Variants in GC observed in about 807,000 individuals in gnomAD.
GC encodes the protein GC vitamin D binding protein.
GC carries 43 observed loss-of-function variants against 56.7 expected under a neutral mutation model. The ratio of observed to expected loss-of-function variants is 0.76; its 90% CI spans 0.59 to 0.98. GC has a LOEUF of 0.98. GC is among the 50% of genes least tolerant of loss of function. The pLI is 0.00. For synonymous variants in GC, 216 were observed against 202.7 expected (o/e 1.07, Z -0.56); for missense variants, 529 against 545.9 (o/e 0.97, Z 0.31).
At chr4:71,803,978 C>A in exon 1 of GC, 1 of 1,407,144 alleles carries the variant, frequency 7.1e-7, no homozygotes, top group East Asian at 2.5e-5. Context: ...CAGATCATCA[C>A]CAGTGGTAGA....
chr4:71,780,325 C>G (rs1742633237), intron 1 of GC, among the ~76,000 whole-genome samples: 1 of 152,198 alleles, frequency 6.6e-6, no homozygotes, highest in Non-Finnish European at 1.5e-5. Flanking sequence ...TAGGTGTGGA[C>G]AAGGACTTCA....
chr4:71,805,383 C>T (rs1045809129), upstream of GC, among the ~76,000 whole-genome samples: 2 of 152,102 alleles, frequency 1.3e-5, no homozygotes, highest in Non-Finnish European at 2.9e-5. Context: ...TGCTGAGTTC[C>T]TCATAGGGGA....
intron 11 of GC, 142 bp downstream of exon 11, chr4:71,752,376 G>T: frequency 1.6e-6 from 1 of 635,106 alleles, no homozygotes; most frequent in Non-Finnish European, 2.7e-6. Context: ...TACTTTCATT[G>T]CAAAGACAGC....
intron 11 of GC, among the ~76,000 whole-genome samples, chr4:71,749,009 A>C (rs1360721011): frequency 6.6e-6 from 1 of 152,172 alleles, no homozygotes; most frequent in African/African-American, 2.4e-5. Flanking sequence ...TAGGCATTGG[A>C]AATTAAAGAG....
intron 6 of GC, among the ~76,000 whole-genome samples, chr4:71,758,982 G>A (rs950070745): frequency 2.0e-5 from 3 of 152,048 alleles, no homozygotes; most frequent in Admixed American, 6.6e-5. Context: ...TCTATTTTCT[G>A]TCTTTATGAT....
chr4:71,791,252 T>C (rs1305811494), intron 1 of GC, among the ~76,000 whole-genome samples: 1 of 152,132 alleles, frequency 6.6e-6, no homozygotes, highest in African/African-American at 2.4e-5. Flanking sequence ...AAACTTTTCT[T>C]TCAAAGCTAT....
At chr4:71,791,518 A>G (rs978369966) in intron 1 of GC, among the ~76,000 whole-genome samples, 4 of 152,204 alleles carry the variant, frequency 2.6e-5, no homozygotes. Context: ...AGTTGGAAAG[A>G]ACGTAAACCT....
In GC at chr4:71,790,672, G is replaced by T. The variant is rs74469947; in HGVS notation, c.22-6618C>A. On this transcript the variant is annotated intron_variant, in intron 1 of 13. Transcript: ENST00000504199. ...CTATTAATTTTGTTAAATTGTAATGGTTTCTCTAGGGCTAATAATATTTTA... is the reference window on the plus strand; with the variant it reads ...CTATTAATTTTGTTAAATTGTAATGTTTTCTCTAGGGCTAATAATATTTTA... 0.014 allele frequency among the ~76,000 whole-genome samples: 2,057 copies of T among 151,242 alleles called. 81 individuals are homozygous for T. The East Asian group carries it at 0.16, about 12-fold the overall frequency.
intron 4 of GC, 143 bp from the exon 5 acceptor site, chr4:71,764,079 T>C: frequency 3.2e-6 from 2 of 621,010 alleles, no homozygotes; most frequent in Middle Eastern, 8.8e-4. Flanking sequence ...CCTCCTGGCC[T>C]CAAGCGATCC....
At chr4:71,804,031 G>GA (rs1413091051) in exon 1 of GC, 4 of 850,364 alleles carry the variant, frequency 4.7e-6, no homozygotes, top group East Asian at 5.3e-5. Flanking sequence ...CAATCTCTTT[G>GA]AAAAAACAGT....
At chr4:71,763,715 A>G (rs1560698450) in intron 5 of GC, 89 bp downstream of exon 5, 3 of 1,191,142 alleles carry the variant, frequency 2.5e-6, no homozygotes, top group Admixed American at 4.5e-5. Flanking sequence ...ACTTTTACTG[A>G]TTGCAAAATC....
chr4:71,756,650 C>T, intron 8 of GC, 62 bp downstream of exon 8: 2 of 1,118,812 alleles, frequency 1.8e-6, no homozygotes, highest in South Asian at 1.3e-5. Flanking sequence ...ATCTGGCTGG[C>T]CCCCACTTTT....
At chr4:71,761,475 T>C (rs1741972172) in intron 6 of GC, among the ~76,000 whole-genome samples, 1 of 152,144 alleles carries the variant, frequency 6.6e-6, no homozygotes, top group South Asian at 2.1e-4. Context: ...GAAAAGCCCT[T>C]TTTCTGAGGA....
Position 71,763,904 on chromosome 4 carries a change from T to C in GC, c.506A>G (p.Gln169Arg), listed in dbSNP as rs543097543. ...ACTGACTAAAAGTGACAGAGGAGCT[T>C]GTCCGTAATTAGTGGAATATTCCCA... is the stretch of plus-strand genomic sequence containing the variant. ...FMWEYSTNYG[Q>R]APLSLLVSYT... Residue 169 changes from glutamine to arginine, a missense_variant, in exon 5 of 13, where the codon CAA (glutamine) becomes CGA (arginine). Transcript: ENST00000273951. The C allele has an allele frequency of 3.1e-6, 5 of 1,611,348 alleles. No individual in the cohort carries two copies. The East Asian group carries it at 1.1e-4, about 36-fold the overall frequency.
chr4:71,766,555 C>G (rs1022245926), intron 3 of GC, among the ~76,000 whole-genome samples: 4 of 152,102 alleles, frequency 2.6e-5, no homozygotes, highest in African/African-American at 9.7e-5. Flanking sequence ...ATATGGGAAA[C>G]AGTACTTTGA....
chr4:71,799,970 A>G (rs1204601806), intron 1 of GC, among the ~76,000 whole-genome samples: 1 of 152,202 alleles, frequency 6.6e-6, no homozygotes, highest in Non-Finnish European at 1.5e-5. Context: ...ATTTGATGAT[A>G]TCAGTGTTTG....
upstream of GC, among the ~76,000 whole-genome samples, chr4:71,804,560 G>A (rs1040261895): frequency 6.6e-6 from 1 of 151,782 alleles, no homozygotes; most frequent in Non-Finnish European, 1.5e-5. Flanking sequence ...ATGAGGTATT[G>A]ACTGGCCTCC....
At chr4:71,786,804 A>C (rs1742849721), upstream of GC, among the ~76,000 whole-genome samples, 1 of 151,314 alleles carries the variant, frequency 6.6e-6, no homozygotes, top group African/African-American at 2.4e-5. Context: ...TCTTCTAAAA[A>C]CTCTTGCAGT....
intron 6 of GC, among the ~76,000 whole-genome samples, chr4:71,763,070 G>A (rs986391765): frequency 6.6e-6 from 1 of 152,076 alleles, no homozygotes; most frequent in Non-Finnish European, 1.5e-5. Context: ...ATAAACAAAA[G>A]GTTGTGTTTT....
Sources: allele counts gnomAD v4.1 joint callset (sites outside exome capture counted in the v4.1 genomes callset), GRCh38; gene constraint gnomAD v4.1.1; transcripts MANE v1.5; gene names NCBI Gene and HGNC (gene_info 2026-07-23, HGNC 2026-07-21).